The following CENPE variants were observed in gnomAD, a reference collection of about 807,000 sequenced individuals.
The protein encoded by CENPE is centromere protein E.
Under a neutral mutation model 336.1 loss-of-function variants are expected in CENPE, and 145 were observed. That is an observed-to-expected ratio of 0.43 (90% CI 0.38 to 0.50). The LOEUF (loss-of-function observed/expected upper bound fraction) is 0.50, where lower values mean the gene tolerates loss of function less well. Ranked by LOEUF, CENPE falls within the 20% of genes least tolerant of loss-of-function variation. The probability of loss-of-function intolerance (pLI) is 0.00; values close to 1 mark genes in which losing one functional copy is unlikely to be tolerated. For missense variants in CENPE, 2,719 were observed against 3,023.3 expected (o/e 0.90, Z 2.36); for synonymous variants, 1,013 against 984.8 (o/e 1.03, Z -0.54).
At position 103,122,818 on chromosome 4, in the gene CENPE, A is replaced by G. The variant is rs1180778244; in HGVS notation, c.7143+53T>C. The stretch of plus-strand genomic sequence containing the variant: ...TAAGTAAATACTATAATTTTGCTCT[A>G]AACTCTGTGATGAAGCTGCAAACTG... On this transcript the variant is annotated intron_variant, in intron 43 of 48. Coordinates refer to ENST00000265148, the MANE Select transcript of CENPE (RefSeq NM_001813.3). 3 of 1,377,074 alleles carry G rather than the reference A, an allele frequency of 2.2e-6. No individual in the cohort carries two copies. The Admixed American group carries it at 5.2e-5, about 24-fold the overall frequency. The allele number at this position is 1,377,074 out of a possible 1,614,324, so 85.3% of individuals were successfully genotyped here.
rs973726069 is a variant in CENPE at position 103,153,096 on chromosome 4, A to G, written c.3188T>C (p.Ile1063Thr). ...AGTCTTCAATTGTTCCTTTTCTGCT[A>G]TAACACTCTCTAACATTTGTTGGAG... is the stretch of plus-strand genomic sequence containing the variant. ...NELQQMLESV[I>T]AEKEQLKTDL... The change falls in exon 25 of 49, where the codon ATA becomes ACA. Residue 1063 changes from isoleucine to threonine, a missense_variant. Physicochemically the swap from Ile to Thr is moderately conservative, Grantham distance 89. Around this residue, in one of 5 missense-constraint regions of CENPE, gnomAD observed 2,437 missense variants for 2,513.3 expected, o/e 0.97. Coordinates refer to ENST00000265148, the MANE Select transcript of CENPE (RefSeq NM_001813.3). 5 of 1,613,100 alleles carry G rather than the reference A, an allele frequency of 3.1e-6. No homozygotes were observed. In the African/African-American group the frequency reaches 6.7e-5, roughly 22 times the overall value.
In CENPE at chr4:103,106,178, C is replaced by A; in HGVS notation, c.*44G>T. The A allele has an allele frequency of 7.5e-7, 1 of 1,335,386 alleles. No individual in the cohort carries two copies. Among genetic ancestry groups the A allele is most frequent in the Non-Finnish European group, 1.0e-6 (1 of 973,076 alleles). The allele number at this position is 1,335,386 out of a possible 1,614,324, so 82.7% of individuals were successfully genotyped here. Reference sequence around the variant, plus strand: ...ATAGACACATAAACAAAGTCATTTCCAAATAAGGAATGCTGGATCTCCAGA... The same window carrying A: ...ATAGACACATAAACAAAGTCATTTCAAAATAAGGAATGCTGGATCTCCAGA... On this transcript the variant is annotated 3_prime_UTR_variant, in exon 49 of 49. Coordinates refer to ENST00000265148, the MANE Select transcript of CENPE (RefSeq NM_001813.3).
chr4:103,184,375 C>T (rs1432552674), intron 9 of CENPE, among the ~76,000 whole-genome samples: 1 of 152,186 alleles, frequency 6.6e-6, no homozygotes, highest in Non-Finnish European at 1.5e-5. Context: ...CATTTATATC[C>T]TTTGCCCAGT....
Position 103,160,708 on chromosome 4 carries a change from C to A in CENPE, c.2203G>T (p.Glu735Ter). The A allele has an allele frequency of 6.2e-7, 1 of 1,610,120 alleles. No homozygotes were observed. Among genetic ancestry groups the A allele is most frequent in the South Asian group, 1.1e-5 (1 of 90,534 alleles). ...LQKELNKEVE[E>*]NEALREEVIL... ...ACTTCTTCCCGCAAAGCTTCATTTT[C>A]TTCAACTTCTTTATTTAGTTCTTTC... is the stretch of plus-strand genomic sequence containing the variant. Residue 735 changes from glutamate to a stop codon, truncating the protein, a stop_gained, in exon 21 of 49, where the codon GAA (glutamate) becomes TAA (stop). Transcript: ENST00000265148. LOFTEE classifies it high-confidence loss of function.
At chr4:103,192,362 T>G (rs1489618069) in intron 8 of CENPE, among the ~76,000 whole-genome samples, 3 of 152,090 alleles carry the variant, frequency 2.0e-5, no homozygotes, top group Non-Finnish European at 4.4e-5. Flanking sequence ...AGGGAGGAGT[T>G]CATGTAGAGC....
At position 103,161,188 on chromosome 4, in the gene CENPE, C is replaced by T; in HGVS notation, c.2029G>A (p.Glu677Lys). ...NDIQLYQSQL[E>K]AKKKMQVDLE... ...TCAACTTGCATTTTCTTTTTTGCCT[C>T]CAACTGGCTTTGATATAACTGAATA... is the stretch of plus-strand genomic sequence containing the variant. The change falls in exon 20 of 49, where the codon GAG becomes AAG. Residue 677 changes from glutamate to lysine, a missense_variant. Glu to Lys is a moderately conservative substitution (Grantham distance 56). This residue lies in a region of CENPE where 2,437 missense variants were observed against 2,513.3 expected (regional missense o/e 0.97). Coordinates refer to ENST00000265148, the MANE Select transcript of CENPE (RefSeq NM_001813.3). The T allele has an allele frequency of 1.2e-6, 2 of 1,611,688 alleles. No homozygotes were observed. Among genetic ancestry groups the T allele is most frequent in the South Asian group, 1.1e-5 (1 of 90,694 alleles).
Position 103,175,991 on chromosome 4 carries a change from T to G in CENPE, c.1448A>C (p.Glu483Ala). 1 of 1,606,588 alleles carries G rather than the reference T, an allele frequency of 6.2e-7. No homozygotes were observed. Among genetic ancestry groups the G allele is most frequent in the South Asian group, 1.1e-5 (1 of 90,018 alleles). ...SNTLDTLSEI[E>A]WNPATKLLNQ... ...TAGTAGCTTTGTTGCTGGATTCCAT[T>G]CTATCTCACTTAATGTATCAAGAGT... The change falls in exon 15 of 49, where the codon GAA becomes GCA. Residue 483 changes from glutamate to alanine, a missense_variant. Coordinates refer to ENST00000265148, the MANE Select transcript of CENPE (RefSeq NM_001813.3).
intron 15 of CENPE, 108 bp from the exon 16 acceptor site, chr4:103,175,011 T>G: frequency 6.1e-6 from 4 of 652,318 alleles, no homozygotes; most frequent in Non-Finnish European, 9.5e-6. Context: ...ATTTGATATC[T>G]TTCTAAAGTT....
chr4:103,131,660 T>C (rs1751600193), intron 42 of CENPE, among the ~76,000 whole-genome samples: 1 of 152,246 alleles, frequency 6.6e-6, no homozygotes, highest in African/African-American at 2.4e-5. Context: ...TATGTATGTT[T>C]ATAGCAGCTG....
chr4:103,186,812 T>A (rs912114676), intron 8 of CENPE, among the ~76,000 whole-genome samples: 1 of 152,196 alleles, frequency 6.6e-6, no homozygotes, highest in Non-Finnish European at 1.5e-5. Context: ...GGCTTGTCAT[T>A]AAGCTGCGAT....
Position 103,182,776 on chromosome 4 carries a change from G to C in CENPE, c.949C>G (p.Leu317Val), listed in dbSNP as rs1756432249. The C allele has an allele frequency of 6.2e-7, 1 of 1,610,192 alleles. No homozygotes were observed. Among genetic ancestry groups the C allele is most frequent in the Non-Finnish European group, 8.5e-7 (1 of 1,178,004 alleles). Residue 317 changes from leucine to valine, a missense_variant, in exon 11 of 49, where the codon CTT becomes GTT. Leu to Val is a conservative substitution (Grantham distance 32). This residue lies in a region of CENPE where 117 missense variants were observed against 215.8 expected (regional missense o/e 0.54). Transcript: ENST00000265148. ...TITPVSFDET[L>V]TALQFASTAK... Reference sequence around the variant, plus strand: ...ATCAAACTCACCTGGAGAGCAGTAAGTGTTTCATCAAAAGATACTGGAGTA... The same window carrying C: ...ATCAAACTCACCTGGAGAGCAGTAACTGTTTCATCAAAAGATACTGGAGTA...
chr4:103,167,099 G>A (rs531209411), intron 16 of CENPE, among the ~76,000 whole-genome samples: 149 of 152,024 alleles, frequency 9.8e-4, no homozygotes, highest in South Asian at 2.5e-3. Context: ...AAAACAAAAC[G>A]TACAAAATTA....
intron 42 of CENPE, among the ~76,000 whole-genome samples, chr4:103,130,739 G>C (rs912623781): frequency 6.6e-6 from 1 of 152,068 alleles, no homozygotes; most frequent in African/African-American, 2.4e-5. Flanking sequence ...GATGTTACTT[G>C]ACTTCCAGAT....
chr4:103,114,392 T>C lies in CENPE; in HGVS notation c.7540+63A>G, dbSNP rs149105710. On this transcript the variant is annotated intron_variant, in intron 46 of 48. Coordinates refer to ENST00000265148, the MANE Select transcript of CENPE (RefSeq NM_001813.3). ...GTCACATACTACATAATATTAGTCTTCAAAGTCTGTTGTGTGTTGAGAAGT... is the reference window on the plus strand; with the variant it reads ...GTCACATACTACATAATATTAGTCTCCAAAGTCTGTTGTGTGTTGAGAAGT... The C allele has an allele frequency of 7.9e-4, 778 of 984,624 alleles. 2 individuals carry two copies. Among genetic ancestry groups the C allele is most frequent in the Middle Eastern group, 4.6e-3 (22 of 4,806 alleles). The allele number at this position is 984,624 out of a possible 1,614,324, so 61.0% of individuals were successfully genotyped here. A position where few individuals can be genotyped will look rare whatever the true frequency, so the allele number is the denominator to read the frequency against.
chr4:103,190,049 C>A (rs1022466014), intron 8 of CENPE, among the ~76,000 whole-genome samples: 2 of 152,052 alleles, frequency 1.3e-5, no homozygotes, highest in African/African-American at 4.8e-5. Context: ...ACAATTGCTT[C>A]AAAGAGAATA....
At chr4:103,187,601 G>C (rs371433523) in intron 8 of CENPE, among the ~76,000 whole-genome samples, 20 of 152,218 alleles carry the variant, frequency 1.3e-4, no homozygotes, top group Admixed American at 3.3e-4. Context: ...CAAATGCTGA[G>C]AGATTTTGTC....
At position 103,141,829 on chromosome 4, in the gene CENPE, CCT is replaced by C; in HGVS notation, c.5382_5383del (p.Gly1795AsnfsTer4). ...TTTATCTGTCTTCTCAGAAACAATTCCTCTGAGTTTGTCAATAGTTTCCTGCT... is the reference window on the plus strand; with the variant it reads ...TTTATCTGTCTTCTCAGAAACAATTCCTGAGTTTGTCAATAGTTTCCTGCT... On this transcript the variant is annotated frameshift_variant, in exon 35 of 49. Transcript: ENST00000265148. LOFTEE classifies it high-confidence loss of function. 6.3e-7 allele frequency: 1 copy of C among 1,587,254 alleles called. No homozygotes were observed.
chr4:103,113,151 AGT>A (rs1749704720), intron 46 of CENPE, among the ~76,000 whole-genome samples: 1 of 57,078 alleles, frequency 1.8e-5, no homozygotes, highest in Non-Finnish European at 3.8e-5. Context: ...TAAGTATATA[AGT>A]GTATATATAC....
chr4:103,143,989 T>C (rs778988134), intron 33 of CENPE, among the ~76,000 whole-genome samples: 22 of 152,134 alleles, frequency 1.4e-4, no homozygotes, highest in Non-Finnish European at 2.9e-4. Context: ...CAGGCTGGAG[T>C]GCAGTGGTGC....
Sources: allele counts gnomAD v4.1 joint callset (sites outside exome capture counted in the v4.1 genomes callset), GRCh38; gene constraint gnomAD v4.1.1; regional missense constraint gnomAD v4.1.1; transcripts MANE v1.5; gene names NCBI Gene and HGNC (gene_info 2026-07-23, HGNC 2026-07-21).